GPM6A: variants seen among roughly 807,000 people sequenced by gnomAD.
GPM6A encodes the protein glycoprotein M6A.
In GPM6A, 7 loss-of-function variants were observed where a neutral mutation model predicts 32.1. The observed-to-expected ratio is 0.22, with a 90% CI of 0.12 to 0.41. GPM6A has a LOEUF of 0.41. Among genes scored for constraint, GPM6A ranks in the 10% least tolerant of loss-of-function variants. GPM6A has a pLI of 1.00. For synonymous variants in GPM6A, 130 were observed against 123.4 expected, an observed-to-expected ratio of 1.05 and a Z score of -0.35; for missense variants, 235 against 347.2, an observed-to-expected ratio of 0.68 and a Z score of 2.57.
At chr4:175,958,954 C>T (rs1740078106) in intron 1 of GPM6A, among the ~76,000 whole-genome samples, 2 of 152,094 alleles carry the variant, frequency 1.3e-5, no homozygotes, top group Admixed American at 1.3e-4. Flanking sequence ...GAATGAAGAA[C>T]ATAATGAGTG....
chr4:175,717,871 G>A (rs1745920982), intron 1 of GPM6A, among the ~76,000 whole-genome samples: 1 of 152,122 alleles, frequency 6.6e-6, no homozygotes, highest in Non-Finnish European at 1.5e-5. Flanking sequence ...GCATAAATAA[G>A]GCATTTTCTG....
chr4:175,689,256 A>G (rs1206116229), intron 2 of GPM6A, among the ~76,000 whole-genome samples: 1 of 152,166 alleles, frequency 6.6e-6, no homozygotes, highest in Non-Finnish European at 1.5e-5. Context: ...TACCATTGTG[A>G]TTTTGATAAA....
chr4:175,817,945 G>A (rs1735159430), intron 1 of GPM6A, among the ~76,000 whole-genome samples: 1 of 152,274 alleles, frequency 6.6e-6, no homozygotes, highest in African/African-American at 2.4e-5. Context: ...GGAGCCTAAA[G>A]GTAGACAATG....
chr4:175,743,326 T>A (rs983001659), intron 1 of GPM6A, among the ~76,000 whole-genome samples: 6 of 152,104 alleles, frequency 3.9e-5, no homozygotes, highest in African/African-American at 1.4e-4. Flanking sequence ...TACGTTTTAT[T>A]TAAAGTCAAC....
chr4:175,784,405 G>A (rs1044576025), intron 1 of GPM6A, among the ~76,000 whole-genome samples: 14 of 152,062 alleles, frequency 9.2e-5, no homozygotes, highest in Admixed American at 8.5e-4. Flanking sequence ...GGTAACATTA[G>A]CAAATCCAAG....
chr4:175,690,434 A>T (rs965016200), intron 2 of GPM6A, among the ~76,000 whole-genome samples: 5 of 152,212 alleles, frequency 3.3e-5, no homozygotes, highest in Admixed American at 2.6e-4. Flanking sequence ...GTGGCTTTTT[A>T]AAAAAGACGC....
intron 3 of GPM6A, among the ~76,000 whole-genome samples, chr4:175,658,488 A>G (rs573815445): frequency 3.3e-5 from 5 of 152,314 alleles, no homozygotes; most frequent in African/African-American, 9.6e-5. Context: ...GTATGAAAGT[A>G]TAATGGTGGA....
At chr4:175,994,341 C>G (rs973849414) in intron 1 of GPM6A, among the ~76,000 whole-genome samples, 1 of 152,064 alleles carries the variant, frequency 6.6e-6, no homozygotes, top group South Asian at 2.1e-4. Context: ...ATATTAGGAC[C>G]AGGATTAGAA....
chr4:175,985,541 T>C (rs1391705176), intron 1 of GPM6A, among the ~76,000 whole-genome samples: 1 of 152,192 alleles, frequency 6.6e-6, no homozygotes, highest in Non-Finnish European at 1.5e-5. Context: ...TTCCAACCTT[T>C]CCACTTATAT....
At chr4:175,652,263 T>C (rs1255641803) in intron 3 of GPM6A, among the ~76,000 whole-genome samples, 2 of 152,190 alleles carry the variant, frequency 1.3e-5, no homozygotes, top group Non-Finnish European at 2.9e-5. Context: ...ATCCATGTAT[T>C]TAACTTTCAA....
At chr4:175,756,970 G>C (rs1006111687) in intron 1 of GPM6A, among the ~76,000 whole-genome samples, 1 of 152,070 alleles carries the variant, frequency 6.6e-6, no homozygotes, top group African/African-American at 2.4e-5. Flanking sequence ...CAATGGGTGG[G>C]TTTAAGAAGG....
chr4:175,999,487 G>A (rs1480396554), intron 1 of GPM6A, among the ~76,000 whole-genome samples: 1 of 151,876 alleles, frequency 6.6e-6, no homozygotes, highest in Admixed American at 6.6e-5. Context: ...ATAAAAGGAA[G>A]AGATGCCAAA....
At chr4:175,997,256 G>T (rs942213215) in intron 1 of GPM6A, among the ~76,000 whole-genome samples, 7 of 152,082 alleles carry the variant, frequency 4.6e-5, no homozygotes, top group Non-Finnish European at 1.0e-4. Flanking sequence ...CACTAGTTTG[G>T]GAGATCATTT....
intron 1 of GPM6A, among the ~76,000 whole-genome samples, chr4:175,850,548 G>A (rs1204030365): frequency 1.3e-5 from 2 of 152,028 alleles, no homozygotes; most frequent in African/African-American, 4.8e-5. Flanking sequence ...GTGGGAAGAA[G>A]ATAAAAGTAG....
intron 4 of GPM6A, among the ~76,000 whole-genome samples, chr4:175,643,193 C>T (rs1474873161): frequency 1.3e-5 from 2 of 152,174 alleles, no homozygotes; most frequent in African/African-American, 4.8e-5. Context: ...GGCTTCCTTG[C>T]TTCTACCCTT....
At chr4:175,840,795 T>C (rs1286926622) in intron 1 of GPM6A, among the ~76,000 whole-genome samples, 1 of 152,188 alleles carries the variant, frequency 6.6e-6, no homozygotes, top group Non-Finnish European at 1.5e-5. Context: ...GGCTAAGTCA[T>C]AAGGCAGCAA....
chr4:175,939,360 T>C (rs1739336819), intron 1 of GPM6A, among the ~76,000 whole-genome samples: 1 of 152,246 alleles, frequency 6.6e-6, no homozygotes, highest in Non-Finnish European at 1.5e-5. Context: ...AATAATTTAG[T>C]AATCTGTACA....
chr4:175,891,126 C>G (rs1029053543), intron 1 of GPM6A, among the ~76,000 whole-genome samples: 3 of 152,142 alleles, frequency 2.0e-5, no homozygotes, highest in Non-Finnish European at 4.4e-5. Context: ...AATTTTACAT[C>G]AACATCAGAC....
At chr4:175,837,528 G>A (rs1735805439) in intron 1 of GPM6A, among the ~76,000 whole-genome samples, 2 of 152,116 alleles carry the variant, frequency 1.3e-5, no homozygotes, top group Non-Finnish European at 2.9e-5. Context: ...GGGGCTGTGG[G>A]GTTAGTGAGA....
Sources: allele counts gnomAD v4.1 joint callset (sites outside exome capture counted in the v4.1 genomes callset), GRCh38; gene constraint gnomAD v4.1.1; transcripts MANE v1.5; gene names NCBI Gene and HGNC (gene_info 2026-07-23, HGNC 2026-07-21).